ATP5PO: variants seen among roughly 807,000 people sequenced by gnomAD.
ATP5PO encodes ATP synthase peripheral stalk subunit OSCP.
A neutral mutation model predicts 26.2 loss-of-function variants in ATP5PO; 14 were observed. That is an observed-to-expected ratio of 0.53 (90% CI 0.35 to 0.83). The LOEUF (loss-of-function observed/expected upper bound fraction) is 0.83, where lower values mean the gene tolerates loss of function less well. ATP5PO is among the 40% of genes least tolerant of loss of function. ATP5PO has a pLI of 0.01. For synonymous variants in ATP5PO, 106 were observed against 95.1 expected (o/e 1.12, Z -0.67); for missense variants, 241 against 258.5 (o/e 0.93, Z 0.46).
At chr21:33,909,349 T>C (rs536491404) in intron 3 of ATP5PO, 138 bp from the exon 4 acceptor site, 5 of 916,678 alleles carry the variant, frequency 5.5e-6, no homozygotes, top group African/African-American at 3.3e-5. Context: ...GGCGCAATCT[T>C]GGCTCACACA....
At chr21:33,904,071 T>G (rs1987137716) in intron 5 of ATP5PO, 50 bp from the exon 6 acceptor site, 1 of 1,519,676 alleles carries the variant, frequency 6.6e-7, no homozygotes, top group South Asian at 1.2e-5. Flanking sequence ...AACAGAAACT[T>G]CCAGAGTTAA....
chr21:33,909,211 G>T lies in ATP5PO; in HGVS notation c.199C>A (p.Gln67Lys). 6.2e-7 allele frequency: 1 copy of T among 1,608,114 alleles called. No individual in the cohort carries two copies. Among genetic ancestry groups the T allele is most frequent in the Non-Finnish European group, 8.5e-7 (1 of 1,178,208 alleles). ...QVEKELLRVA[Q>K]ILKEPKVAAS... ...GCCACTTTGGGTTCCTTCAGGATTT[G>T]CTGAAAGCATCAAAAAATAATTTCT... Residue 67 changes from glutamine (Q) to lysine (K), a missense_variant and splice_region_variant, in exon 4 of 7, where the codon CAA becomes AAA. By Grantham distance (53) the Gln-to-Lys change is moderately conservative. Around this residue, in one of 3 missense-constraint regions of ATP5PO, gnomAD observed 125 missense variants for 108.5 expected, o/e 1.15. Coordinates refer to ENST00000290299, the MANE Select transcript of ATP5PO (RefSeq NM_001697.3).
intron 3 of ATP5PO, among the ~76,000 whole-genome samples, chr21:33,911,662 G>GTTTTTTTTTTTTTTTTTT (rs58774588): frequency 1.1e-5 from 1 of 92,080 alleles, no homozygotes; most frequent in Non-Finnish European, 2.0e-5. Context: ...ATAAGCATAG[G>GTTTTTTTTTTTTTTTTTT]TTTTTTTTTT....
At chr21:33,903,862 A>T in intron 6 of ATP5PO, 73 bp downstream of exon 6, 1 of 1,360,706 alleles carries the variant, frequency 7.3e-7, no homozygotes, top group African/African-American at 1.5e-5. Context: ...CTAATATTTC[A>T]CTAGTACTTT....
chr21:33,909,742 C>T (rs574555192), intron 3 of ATP5PO, among the ~76,000 whole-genome samples: 9 of 152,252 alleles, frequency 5.9e-5, no homozygotes, highest in African/African-American at 7.2e-5. Flanking sequence ...AAATACTGTA[C>T]GAACTTTCTT....
At chr21:33,911,662 GT>G (rs58774588) in intron 3 of ATP5PO, among the ~76,000 whole-genome samples, 4,925 of 92,188 alleles carry the variant, frequency 0.053, 245 homozygotes, top group African/African-American at 0.19. Flanking sequence ...ATAAGCATAG[GT>G]TTTTTTTTTT....
intron 2 of ATP5PO, 99 bp from the exon 3 acceptor site, chr21:33,912,498 T>TATATTTTAAAAA: frequency 1.3e-6 from 1 of 778,200 alleles, no homozygotes. Flanking sequence ...TTAAAAAATG[T>TATATTTTAAAAA]ATCTCTTTAA....
At chr21:33,908,740 GA>G in intron 4 of ATP5PO, 1 of 182,312 alleles carries the variant, frequency 5.5e-6, no homozygotes, top group Non-Finnish European at 1.1e-5. Flanking sequence ...ATGTACCCAA[GA>G]ATGCAAATGT....
chr21:33,907,317 C>T (rs1381852454), intron 5 of ATP5PO, 24 bp downstream of exon 5: 4 of 1,581,226 alleles, frequency 2.5e-6, no homozygotes, highest in East Asian at 2.2e-5. Flanking sequence ...AAGGCAAACA[C>T]AGCAGCAACA....
intron 5 of ATP5PO, among the ~76,000 whole-genome samples, chr21:33,904,901 C>T (rs1295685226): frequency 2.0e-5 from 3 of 152,238 alleles, no homozygotes; most frequent in East Asian, 1.9e-4. Flanking sequence ...CCATCACACC[C>T]GGCTAATTTT....
intron 2 of ATP5PO, among the ~76,000 whole-genome samples, chr21:33,914,101 C>T (rs780976182): frequency 6.6e-6 from 1 of 151,800 alleles, no homozygotes; most frequent in Non-Finnish European, 1.5e-5. Context: ...TTAATATCGT[C>T]TCCTGTAATA....
In ATP5PO at chr21:33,912,411, A is replaced by G. The variant is rs901165588; in HGVS notation, c.88-12T>C. ...ACCTGAACAGGAGGCTTTAAAAAAAAGGTGAAATAGGAGAGGAAAGAAAAA... is the reference window on the plus strand; with the variant it reads ...ACCTGAACAGGAGGCTTTAAAAAAAGGGTGAAATAGGAGAGGAAAGAAAAA... On this transcript the variant is annotated splice_polypyrimidine_tract_variant and intron_variant, in intron 2 of 6. Transcript: ENST00000290299. 6.3e-7 allele frequency: 1 copy of G among 1,592,840 alleles called. No homozygotes were observed. The highest frequency in any genetic ancestry group is 8.6e-7 in the Non-Finnish European group (1 of 1,164,026).
At chr21:33,915,202 C>T (rs1987298130) in intron 1 of ATP5PO, 1 of 158,484 alleles carries the variant, frequency 6.3e-6, no homozygotes, top group South Asian at 1.6e-4. Context: ...AACAGCATAA[C>T]ATTTTTTCAA....
chr21:33,913,283 G>A (rs1569367832), intron 2 of ATP5PO, among the ~76,000 whole-genome samples: 1 of 152,120 alleles, frequency 6.6e-6, no homozygotes, highest in Non-Finnish European at 1.5e-5. Flanking sequence ...TCCACCTGAC[G>A]TGGGCTCATT....
chr21:33,907,492 C>T (rs1416738536), intron 4 of ATP5PO, 39 bp from the exon 5 acceptor site: 15 of 1,540,392 alleles, frequency 9.7e-6, no homozygotes, highest in East Asian at 9.0e-5. Flanking sequence ...AGAAACTCAC[C>T]TGAACAAGTT....
At chr21:33,912,173 A>T in intron 3 of ATP5PO, 116 bp downstream of exon 3, 1 of 724,160 alleles carries the variant, frequency 1.4e-6, no homozygotes, top group Non-Finnish European at 2.2e-6. Flanking sequence ...TTTACAGACA[A>T]TGGCTTTTTC....
intron 4 of ATP5PO, among the ~76,000 whole-genome samples, chr21:33,907,859 A>C (rs950275907): frequency 6.6e-6 from 1 of 152,216 alleles, no homozygotes; most frequent in South Asian, 2.1e-4. Flanking sequence ...TTCTTTAACA[A>C]TGTGAATGGA....
intron 5 of ATP5PO, 122 bp downstream of exon 5, chr21:33,907,219 A>T: frequency 1.2e-6 from 1 of 828,366 alleles, no homozygotes; most frequent in South Asian, 1.7e-5. Context: ...TGAAACAAAC[A>T]TCCCAGGTGA....
chr21:33,906,915 CA>C (rs1987180791), intron 5 of ATP5PO: 1 of 383,872 alleles, frequency 2.6e-6, no homozygotes, highest in Non-Finnish European at 5.2e-6. Flanking sequence ...CACCTGAGCC[CA>C]GGAGGTTGAG....
Sources: gnomAD v4.1 joint callset for allele counts (sites outside exome capture counted in the v4.1 genomes callset) on GRCh38, gnomAD v4.1.1 for gene constraint, gnomAD v4.1.1 regional missense constraint, MANE v1.5 for transcripts, NCBI Gene and HGNC (gene_info 2026-07-23, HGNC 2026-07-21) for gene names.